ULK4: variants seen among roughly 807,000 people sequenced by gnomAD.
The protein encoded by ULK4 is unc-51 like kinase 4.
Under a neutral mutation model 160.6 loss-of-function variants are expected in ULK4, and 133 were observed. The ratio of observed to expected loss-of-function variants is 0.83; its 90% CI spans 0.72 to 0.96. The LOEUF (loss-of-function observed/expected upper bound fraction) is 0.96, where lower values mean the gene tolerates loss of function less well. Ranked by LOEUF, ULK4 falls within the 40% of genes least tolerant of loss-of-function variation. The pLI is 0.00. For synonymous variants in ULK4, 534 were observed against 539.8 expected, an observed-to-expected ratio of 0.99 and a Z score of 0.15; for missense variants, 1,580 against 1,499.5, an observed-to-expected ratio of 1.05 and a Z score of -0.89.
At chr3:41,539,887 GGC>G (rs2086634944) in intron 32 of ULK4, among the ~76,000 whole-genome samples, 1 of 151,952 alleles carries the variant, frequency 6.6e-6, no homozygotes, top group Non-Finnish European at 1.5e-5. Context: ...CTCACTTTTA[GGC>G]ATCTGACTCC....
intron 27 of ULK4, among the ~76,000 whole-genome samples, chr3:41,687,631 A>G (rs2036144334): frequency 6.6e-6 from 1 of 152,174 alleles, no homozygotes; most frequent in Non-Finnish European, 1.5e-5. Context: ...CTTCCCATAT[A>G]AGGATATAAG....
chr3:41,948,160 G>T (rs1451178286), intron 2 of ULK4, among the ~76,000 whole-genome samples: 3 of 152,018 alleles, frequency 2.0e-5, no homozygotes, highest in Non-Finnish European at 4.4e-5. Context: ...CATCATGAAA[G>T]AATATTTAAG....
At chr3:41,716,902 T>C (rs2037285998) in intron 23 of ULK4, among the ~76,000 whole-genome samples, 1 of 152,196 alleles carries the variant, frequency 6.6e-6, no homozygotes, top group African/African-American at 2.4e-5. Context: ...CTTTGAACTT[T>C]AAATGAATAT....
At chr3:41,614,160 T>G (rs1159425074) in intron 31 of ULK4, among the ~76,000 whole-genome samples, 1 of 152,220 alleles carries the variant, frequency 6.6e-6, no homozygotes, top group Non-Finnish European at 1.5e-5. Flanking sequence ...GTAAGAACTT[T>G]CTGTCAGCCA....
chr3:41,357,605 A>G (rs60937921), intron 35 of ULK4, among the ~76,000 whole-genome samples: 1,538 of 152,264 alleles, frequency 0.01, 28 homozygotes, highest in African/African-American at 0.035. Flanking sequence ...GTGTTTGCTC[A>G]CTGCCATTTG....
intron 35 of ULK4, among the ~76,000 whole-genome samples, chr3:41,361,367 G>A (rs1248250147): frequency 1.3e-5 from 2 of 152,038 alleles, no homozygotes; most frequent in Non-Finnish European, 2.9e-5. Context: ...TAAAACCCAG[G>A]AAAAAATACA....
At chr3:41,528,917 A>C (rs80104297) in intron 32 of ULK4, among the ~76,000 whole-genome samples, 1 of 152,218 alleles carries the variant, frequency 6.6e-6, no homozygotes, top group Non-Finnish European at 1.5e-5. Context: ...CATGTACAAC[A>C]AACCCCCGTG....
At chr3:41,416,308 G>A (rs1349566292) in intron 34 of ULK4, among the ~76,000 whole-genome samples, 7 of 152,086 alleles carry the variant, frequency 4.6e-5, no homozygotes, top group African/African-American at 9.7e-5. Flanking sequence ...ATAAAATCTC[G>A]TATTTCCTAT....
chr3:41,312,263 C>G (rs1261924720), intron 35 of ULK4, among the ~76,000 whole-genome samples: 1 of 152,126 alleles, frequency 6.6e-6, no homozygotes, highest in Non-Finnish European at 1.5e-5. Context: ...ATGTGAGCCA[C>G]CACGCCAGGC....
chr3:41,920,631 C>T (rs573872290), intron 5 of ULK4, among the ~76,000 whole-genome samples: 52 of 152,250 alleles, frequency 3.4e-4, no homozygotes, highest in Non-Finnish European at 6.5e-4. Flanking sequence ...TCTCTGCATT[C>T]CATCTAACTC....
intron 32 of ULK4, among the ~76,000 whole-genome samples, chr3:41,537,213 C>G (rs967319764): frequency 2.0e-5 from 3 of 151,780 alleles, no homozygotes; most frequent in African/African-American, 7.3e-5. Flanking sequence ...GTTGCCATAT[C>G]CACAGTCTCA....
intron 25 of ULK4, 31 bp downstream of exon 25, chr3:41,715,206 T>C (rs375015277): frequency 6.2e-5 from 99 of 1,602,332 alleles, no homozygotes; most frequent in Non-Finnish European, 8.2e-5. Flanking sequence ...CACAATTTTA[T>C]TAGAAACAAG....
rs552648596 is a variant in ULK4 at position 41,463,168 on chromosome 3, T to G, written c.3312A>C (p.Ala1104=). 2 of 1,613,802 alleles carry G rather than the reference T, an allele frequency of 1.2e-6. No individual in the cohort carries two copies. Among genetic ancestry groups the G allele is most frequent in the South Asian group, 1.1e-5 (1 of 91,072 alleles). Residue 1104 remains alanine, a synonymous_variant, in exon 33 of 37, where the codon GCA becomes GCC. Transcript: ENST00000301831. ...CAAGCAGGGAAAAGAGCAGTGGAGC[T>G]GCCATCTCATTGTTGTTTTTATTGT... is the stretch of plus-strand genomic sequence containing the variant. ...DVDNKNNNEM[A]APLLFSLLDI... is the part of the protein sequence containing the mutation.
At chr3:41,300,316 T>C (rs2079758990) in intron 35 of ULK4, among the ~76,000 whole-genome samples, 1 of 152,268 alleles carries the variant, frequency 6.6e-6, no homozygotes, top group African/African-American at 2.4e-5. Context: ...ACTGGAACAT[T>C]TCCAGCAGCT....
chr3:41,544,717 T>C (rs2086801755), intron 32 of ULK4, among the ~76,000 whole-genome samples: 1 of 152,190 alleles, frequency 6.6e-6, no homozygotes, highest in Non-Finnish European at 1.5e-5. Context: ...ATGAGCTCCA[T>C]TTCAGGTCAA....
chr3:41,600,553 T>G lies in ULK4; in HGVS notation c.3120+15116A>C, dbSNP rs138196417. ...TTGGGGGAAAGCAACATGGCAAGTA[T>G]GCACTGCAGCTTGTGAACAACACTG... On this transcript the variant is annotated intron_variant, in intron 31 of 36. Coordinates refer to ENST00000301831, the MANE Select transcript of ULK4 (RefSeq NM_017886.4). 9.8e-5 allele frequency among the ~76,000 whole-genome samples: 15 copies of G among 152,330 alleles called. No homozygotes were observed. The East Asian group carries it at 2.7e-3, about 27-fold the overall frequency.
rs569715416 is a variant in ULK4 at position 41,911,517 on chromosome 3, T to C, written c.1015+24A>G. On this transcript the variant is annotated intron_variant, in intron 10 of 36. Coordinates refer to ENST00000301831, the MANE Select transcript of ULK4 (RefSeq NM_017886.4). ...CTCTCAAACAACATTCTAAGTAGCA[T>C]GAATGTGCTCAAATAAAACTTACCT... 8.8e-6 allele frequency: 14 copies of C among 1,594,530 alleles called. No individual in the cohort carries two copies. The East Asian group carries it at 3.1e-4, about 36-fold the overall frequency.
intron 30 of ULK4, among the ~76,000 whole-genome samples, chr3:41,621,957 G>A (rs967301776): frequency 6.6e-6 from 1 of 152,132 alleles, no homozygotes; most frequent in Non-Finnish European, 1.5e-5. Flanking sequence ...CGAAGGGTAT[G>A]AACAGACACT....
At chr3:41,771,568 A>G (rs1055743230) in intron 21 of ULK4, among the ~76,000 whole-genome samples, 10 of 152,134 alleles carry the variant, frequency 6.6e-5, no homozygotes, top group African/African-American at 2.2e-4. Context: ...AAAATCATGA[A>G]TATCTGTGAG....
Sources: gnomAD v4.1 joint callset for allele counts (sites outside exome capture counted in the v4.1 genomes callset) on GRCh38, gnomAD v4.1.1 for gene constraint, MANE v1.5 for transcripts, NCBI Gene and HGNC (gene_info 2026-07-23, HGNC 2026-07-21) for gene names.